Variants in NSD2 observed in about 807,000 individuals in gnomAD.
NSD2 encodes histone-lysine N-methyltransferase NSD2.
Under a neutral mutation model 139.0 loss-of-function variants are expected in NSD2, and 12 were observed. The observed-to-expected ratio is 0.09, with a 90% confidence interval of 0.06 to 0.14. The LOEUF is 0.14. Ranked by LOEUF, NSD2 falls within the 10% of genes least tolerant of loss-of-function variation. NSD2 has a pLI of 1.00. For synonymous variants in NSD2, 669 were observed against 648.7 expected (o/e 1.03, Z -0.48); for missense variants, 1,155 against 1,745.0 (o/e 0.66, Z 6.02).
intron 1 of NSD2, among the ~76,000 whole-genome samples, chr4:1,875,965 C>T (rs540087984): frequency 2.6e-3 from 397 of 151,538 alleles, no homozygotes; most frequent in African/African-American, 9.1e-3. Flanking sequence ...CTTGTAATCC[C>T]AGCACTTTGG....
intron 6 of NSD2, among the ~76,000 whole-genome samples, chr4:1,934,860 AAAAAAAAAAAAAAAAAAAAT>A (rs1162535868): frequency 1.4e-3 from 128 of 92,188 alleles, no homozygotes; most frequent in African/African-American, 6.0e-3. Flanking sequence ...AAAAAAAAAA[AAAAAAAAAAAAAAAAAAAAT>A]ATATATATAT....
rs369404968 is a variant in NSD2, at chr4:1,956,687, T to C, written c.2881+499T>C. On this transcript the variant is annotated intron_variant, in intron 15 of 21. Coordinates refer to ENST00000508803, the MANE Select transcript of NSD2 (RefSeq NM_001042424.3). This position sits in a 1 kb window ranked among gnomAD's most constrained non-coding sequence, Gnocchi z 5.3. ...TGACCCACGTTTGAGGGAGGCAGGA[T>C]GGGGATGTGACCCTTCACTGGAGGA... 6.6e-6 allele frequency among the ~76,000 whole-genome samples: 1 copy of C among 152,162 alleles called. No homozygotes were observed. The highest frequency in any genetic ancestry group is 1.9e-4 in the East Asian group (1 of 5,204).
intron 8 of NSD2, 53 bp from the exon 9 acceptor site, chr4:1,939,601 A>G (rs1722865629): frequency 1.1e-5 from 18 of 1,573,314 alleles, no homozygotes; most frequent in South Asian, 5.6e-5. Flanking sequence ...TTAAGCAGTA[A>G]AAAGATCAAG....
intron 9 of NSD2, among the ~76,000 whole-genome samples, chr4:1,949,028 ACT>A (rs1195707775): frequency 2.6e-5 from 4 of 151,908 alleles, no homozygotes; most frequent in Non-Finnish European, 4.4e-5. Flanking sequence ...TGTGTGGGTG[ACT>A]CTCTGAGTGG....
At chr4:1,881,326 G>A (rs141283529) in intron 1 of NSD2, among the ~76,000 whole-genome samples, 2 of 152,084 alleles carry the variant, frequency 1.3e-5, no homozygotes, top group African/African-American at 4.8e-5. Flanking sequence ...GCAGTGGCGC[G>A]ATCTCGGCTC....
rs370127436 is a variant in NSD2 at position 1,978,854 on chromosome 4, C to T, written c.4043C>T (p.Pro1348Leu). The T allele has an allele frequency of 1.9e-5, 31 of 1,600,400 alleles. No individual in the cohort carries two copies. The highest frequency in any genetic ancestry group is 5.6e-5 in the South Asian group (5 of 89,966). ...AAGCCCCCCCCAGAGCCAGGGAAGCCGAAGGGGAAGAGGCGGCGGCGGAGG... is the reference window on the plus strand; with the variant it reads ...AAGCCCCCCCCAGAGCCAGGGAAGCTGAAGGGGAAGAGGCGGCGGCGGAGG... ...TEKPPPEPGK[P>L]KGKRRRRRGW... The change falls in exon 22 of 22, where the codon CCG becomes CTG. Residue 1348 changes from proline (P) to leucine (L), a missense_variant. By Grantham distance (98) the Pro-to-Leu change is moderately conservative. This residue lies in a region of NSD2 where 132 missense variants were observed against 94.3 expected (regional missense o/e 1.40). Transcript: ENST00000508803.
In NSD2 at chr4:1,955,919, G is replaced by T; in HGVS notation, c.2676-64G>T. 1 of 1,611,002 alleles carries T rather than the reference G, an allele frequency of 6.2e-7. No homozygotes were observed. The highest frequency in any genetic ancestry group is 8.5e-7 in the Non-Finnish European group (1 of 1,178,022). On this transcript the variant is annotated intron_variant, in intron 14 of 21. Transcript: ENST00000508803. The surrounding 1 kb of genome is among the most constrained non-coding windows in gnomAD (Gnocchi z 4.7). ...ATGTGTTCGCTTTACAGTACTTAAA[G>T]TATTGAAATTATTATCGCTGTCTCT...
At chr4:1,930,910 G>C in intron 6 of NSD2, 140 bp downstream of exon 6, 1 of 1,053,724 alleles carries the variant, frequency 9.5e-7, no homozygotes, top group Middle Eastern at 3.3e-4. Flanking sequence ...AGCGGTCCAA[G>C]TGCGTGTGGT....
chr4:1,893,331 G>A (rs1454352149), intron 1 of NSD2, among the ~76,000 whole-genome samples: 1 of 152,218 alleles, frequency 6.6e-6, no homozygotes, highest in Non-Finnish European at 1.5e-5. Flanking sequence ...TGAGCCAGGC[G>A]TGGTGATGCA....
At chr4:1,929,834 C>T (rs1721422718) in intron 5 of NSD2, among the ~76,000 whole-genome samples, 1 of 152,156 alleles carries the variant, frequency 6.6e-6, no homozygotes, top group Admixed American at 6.6e-5. Context: ...CTTTAACTCA[C>T]TGAGGCCAGA....
intron 2 of NSD2, among the ~76,000 whole-genome samples, chr4:1,901,895 C>T (rs941415684): frequency 1.3e-5 from 2 of 152,328 alleles, no homozygotes; most frequent in South Asian, 4.1e-4. Context: ...CTTATCCTAA[C>T]TTGCGATGGA....
chr4:1,958,184 A>G lies in NSD2; in HGVS notation c.2985+148A>G, dbSNP rs1478625816. ...CCTGGCATGGATGGCCACACAAGAG[A>G]CCATGAGCAAATGGCATGGGGGGAT... On this transcript the variant is annotated intron_variant, in intron 16 of 21. Transcript: ENST00000508803. This position sits in a 1 kb window ranked among gnomAD's most constrained non-coding sequence, Gnocchi z 4.6. The G allele has an allele frequency of 1.3e-6, 1 of 749,188 alleles. No individual in the cohort carries two copies. The highest frequency in any genetic ancestry group is 2.2e-6 in the Non-Finnish European group (1 of 453,914). 46.4% of individuals were successfully genotyped at this position (749,188 alleles called of 1,614,324 possible).
At chr4:1,953,067 C>G in intron 11 of NSD2, 2 of 1,462,676 alleles carry the variant, frequency 1.4e-6, no homozygotes, top group East Asian at 2.5e-5. Flanking sequence ...CTGGGCCTCC[C>G]CAGCCAGGCT....
At chr4:1,914,178 G>A (rs1368748924) in intron 3 of NSD2, among the ~76,000 whole-genome samples, 4 of 151,222 alleles carry the variant, frequency 2.6e-5, no homozygotes, top group Non-Finnish European at 4.4e-5. Flanking sequence ...GTGTGCCACC[G>A]TGCCCAGCTC....
chr4:1,872,635 A>G (rs373093849), intron 1 of NSD2, among the ~76,000 whole-genome samples: 7 of 120,204 alleles, frequency 5.8e-5, no homozygotes, highest in East Asian at 2.7e-4. Flanking sequence ...AGAGAGAGAG[A>G]GCGCGCAGAC....
chr4:1,924,774 A>G (rs1193648108), intron 5 of NSD2, among the ~76,000 whole-genome samples: 4 of 151,822 alleles, frequency 2.6e-5, no homozygotes, highest in African/African-American at 4.8e-5. Context: ...ACAAAACAAG[A>G]AAATTAACGG....
At chr4:1,975,551 T>C (rs2109022390) in intron 20 of NSD2, 151 bp downstream of exon 20, 1 of 654,688 alleles carries the variant, frequency 1.5e-6, no homozygotes, top group Non-Finnish European at 2.7e-6. Context: ...CTGGGGAGGA[T>C]GGCTCTCAAC....
In NSD2 at chr4:1,942,927, C is replaced by A; in HGVS notation, c.1881+3149C>A. On this transcript the variant is annotated intron_variant, in intron 9 of 21. Coordinates refer to ENST00000508803, the MANE Select transcript of NSD2 (RefSeq NM_001042424.3). This position sits in a 1 kb window ranked among gnomAD's most constrained non-coding sequence, Gnocchi z 4.0. ...AGGCAGGAAGAGTTTTGATTCTATC[C>A]TTTTTTACTAAACAGTTTTATTATG... 1 of 1,055,504 alleles carries A rather than the reference C, an allele frequency of 9.5e-7. No individual in the cohort carries two copies. Among genetic ancestry groups the A allele is most frequent in the African/African-American group, 1.7e-5 (1 of 60,564 alleles). 65.4% of individuals were successfully genotyped at this position (1,055,504 alleles called of 1,614,324 possible). A position where few individuals can be genotyped will look rare whatever the true frequency, so the allele number is the denominator to read the frequency against.
Position 1,976,348 on chromosome 4 carries a change from C to T in NSD2, c.3622-127C>T. On this transcript the variant is annotated intron_variant, in intron 20 of 21. Transcript: ENST00000508803. This position sits in a 1 kb window ranked among gnomAD's most constrained non-coding sequence, Gnocchi z 5.3. The stretch of plus-strand genomic sequence containing the variant: ...GGAGCACGAGGAGGACACTCCTCTC[C>T]TCTCCTCTTAGTGTTGGGCACCTGC... 2 of 1,020,518 alleles carry T rather than the reference C, an allele frequency of 2.0e-6. No homozygotes were observed. Among genetic ancestry groups the T allele is most frequent in the South Asian group, 1.6e-5 (1 of 62,846 alleles). 63.2% of individuals were successfully genotyped at this position (1,020,518 alleles called of 1,614,324 possible).
Sources: allele counts gnomAD v4.1 joint callset (sites outside exome capture counted in the v4.1 genomes callset), GRCh38; gene constraint gnomAD v4.1.1; regional missense constraint gnomAD v4.1.1; non-coding constraint Gnocchi (gnomAD v3.1); transcripts MANE v1.5; gene names NCBI Gene and HGNC (gene_info 2026-07-23, HGNC 2026-07-21).